Variants in GALNT16 observed in about 807,000 individuals in gnomAD.
GALNT16 encodes the protein UDP-GalNAc:polypeptide N-acetylgalactosaminyltransferase-like protein 1.
GALNT16 carries 40 observed loss-of-function variants against 76.1 expected under a neutral mutation model. That is an observed-to-expected ratio of 0.53 (90% CI 0.41 to 0.68). The LOEUF (loss-of-function observed/expected upper bound fraction) is 0.68. Ranked by LOEUF, GALNT16 falls within the 30% of genes least tolerant of loss-of-function variation. GALNT16 has a pLI of 0.00. For synonymous variants in GALNT16, 276 were observed against 285.2 expected (o/e 0.97, Z 0.32); for missense variants, 621 against 731.9 (o/e 0.85, Z 1.75).
chr14:69,322,820 G>A (rs181101352), intron 2 of GALNT16, among the ~76,000 whole-genome samples: 1 of 152,272 alleles, frequency 6.6e-6, no homozygotes, highest in Non-Finnish European at 1.5e-5. Flanking sequence ...GAACCTGGGA[G>A]GCAGAGGTTG....
At chr14:69,334,347 C>T (rs545609993) in intron 9 of GALNT16, among the ~76,000 whole-genome samples, 5 of 152,270 alleles carry the variant, frequency 3.3e-5, no homozygotes, top group African/African-American at 1.2e-4. Flanking sequence ...CAAGTGGGAT[C>T]GGAGCCCAAA....
intron 11 of GALNT16, 37 bp downstream of exon 11, chr14:69,339,656 C>G (rs1470592396): frequency 7.8e-7 from 1 of 1,281,450 alleles, no homozygotes; most frequent in Non-Finnish European, 1.1e-6. Flanking sequence ...ACTCCCTCTA[C>G]CCACATTAGC....
At chr14:69,285,185 C>T (rs138455872) in intron 1 of GALNT16, among the ~76,000 whole-genome samples, 130 of 151,920 alleles carry the variant, frequency 8.6e-4, no homozygotes, top group African/African-American at 3.0e-3. Context: ...GGACTACAGG[C>T]GCCCGCTACC....
At chr14:69,363,623 T>G in the GALNT16 span, among the ~76,000 whole-genome samples, 1 of 152,232 alleles carries the variant, frequency 6.6e-6, no homozygotes, top group African/African-American at 2.4e-5. Flanking sequence ...GTATTTGTCC[T>G]GCTCACGGCT....
At position 69,328,430 on chromosome 14, in the gene GALNT16, C is replaced by T. The variant is rs373893534; in HGVS notation, c.569-20C>T. 1 of 1,611,816 alleles carries T rather than the reference C, an allele frequency of 6.2e-7. No homozygotes were observed. The highest frequency in any genetic ancestry group is 2.2e-5 in the East Asian group (1 of 44,750). On this transcript the variant is annotated intron_variant, in intron 5 of 14. Coordinates refer to ENST00000448469, the MANE Select transcript of GALNT16 (RefSeq NM_001168368.2). ...AGTTGGCCCAGTCCCAGCGCCAAGC[C>T]CTATCTACTCCTCTTGTAGGGCTGA...
the GALNT16 span, among the ~76,000 whole-genome samples, chr14:69,377,302 A>G: frequency 1.3e-5 from 2 of 152,142 alleles, no homozygotes; most frequent in African/African-American, 4.8e-5. Flanking sequence ...CATCTAGCAA[A>G]ATTTTGGTAT....
Position 69,333,246 on chromosome 14 carries a change from T to A in GALNT16, c.863+77T>A. 1 of 1,035,986 alleles carries A rather than the reference T, an allele frequency of 9.7e-7. No homozygotes were observed. The highest frequency in any genetic ancestry group is 1.4e-6 in the Non-Finnish European group (1 of 694,070). 64.2% of individuals were successfully genotyped at this position (1,035,986 alleles called of 1,614,324 possible). A position where few individuals can be genotyped will look rare whatever the true frequency, so the allele number is the denominator to read the frequency against. ...CCTGGGAGGCTCTTGGGAGGCTGTA[T>A]CGGTCGCTTGGGCTCCTGAGGCGCA... On this transcript the variant is annotated intron_variant, in intron 8 of 14. Coordinates refer to ENST00000448469, the MANE Select transcript of GALNT16 (RefSeq NM_001168368.2). This position sits in a 1 kb window ranked among gnomAD's most constrained non-coding sequence, Gnocchi z 4.2.
In GALNT16 at chr14:69,347,845, T is replaced by C. The variant is rs759639385; in HGVS notation, c.1414-32T>C. The C allele has an allele frequency of 6.2e-6, 10 of 1,609,712 alleles. No individual in the cohort carries two copies. In the South Asian group the frequency reaches 1.1e-4, roughly 18 times the overall value. On this transcript the variant is annotated intron_variant, in intron 13 of 14. Coordinates refer to ENST00000448469, the MANE Select transcript of GALNT16 (RefSeq NM_001168368.2). ...ATCTCTCCACCCATCGCTGTACTTT[T>C]TGACTTGGCCTTTCTGCTCCCTGCC... is the stretch of plus-strand genomic sequence containing the variant.
At chr14:69,318,324 G>T (rs2045131041) in intron 1 of GALNT16, among the ~76,000 whole-genome samples, 1 of 152,184 alleles carries the variant, frequency 6.6e-6, no homozygotes, top group South Asian at 2.1e-4. Context: ...TAGAGAGCCT[G>T]GGCCTGAGCA....
chr14:69,280,043 T>C (rs1172702276), intron 1 of GALNT16, among the ~76,000 whole-genome samples: 2 of 152,264 alleles, frequency 1.3e-5, no homozygotes, highest in Non-Finnish European at 2.9e-5. Flanking sequence ...AAAATACATA[T>C]AAGATAAACT....
At chr14:69,324,287 C>G (rs2140168620) in intron 2 of GALNT16, among the ~76,000 whole-genome samples, 1 of 152,220 alleles carries the variant, frequency 6.6e-6, no homozygotes, top group Non-Finnish European at 1.5e-5. Context: ...AAGGAAGAAA[C>G]TCTAGGGTAT....
chr14:69,312,052 AAAATCTGTCTATCT>A (rs1566875401), intron 1 of GALNT16, among the ~76,000 whole-genome samples: 2 of 127,244 alleles, frequency 1.6e-5, no homozygotes, highest in African/African-American at 2.7e-5. Context: ...AAAAAAAAAA[AAAATCTGTCTATCT>A]ATCTATCTAT....
At chr14:69,348,792 C>T (rs2045597063) in intron 14 of GALNT16, 1 of 152,256 alleles carries the variant, frequency 6.6e-6, no homozygotes, top group Non-Finnish European at 1.5e-5. Flanking sequence ...CAGAATCCAG[C>T]CAGCTCTCTT....
intron 1 of GALNT16, among the ~76,000 whole-genome samples, chr14:69,295,131 T>G (rs1379073592): frequency 6.6e-6 from 1 of 152,124 alleles, no homozygotes; most frequent in Non-Finnish European, 1.5e-5. Flanking sequence ...CATTTAACAT[T>G]GGCCGGGTGC....
At chr14:69,289,948 A>G (rs1416280812) in intron 1 of GALNT16, among the ~76,000 whole-genome samples, 1 of 151,944 alleles carries the variant, frequency 6.6e-6, no homozygotes, top group African/African-American at 2.4e-5. Flanking sequence ...CGTGTTGCCC[A>G]GGGTAGCCTT....
chr14:69,360,643 G>T (rs540152635), downstream of GALNT16, among the ~76,000 whole-genome samples: 56 of 137,696 alleles, frequency 4.1e-4, 3 homozygotes, highest in South Asian at 3.2e-3. Flanking sequence ...GAAAAGAGAA[G>T]AGAGGAGAGG....
At chr14:69,347,363 G>T (rs936904338) in intron 13 of GALNT16, among the ~76,000 whole-genome samples, 182 bp downstream of exon 13, 1 of 152,144 alleles carries the variant, frequency 6.6e-6, no homozygotes, top group Non-Finnish European at 1.5e-5. Context: ...TGTCACTTGG[G>T]TATCCTGTGT....
intron 2 of GALNT16, among the ~76,000 whole-genome samples, chr14:69,322,923 G>C: frequency 9.5e-6 from 1 of 105,152 alleles, no homozygotes; most frequent in South Asian, 4.2e-4. Context: ...GGTGGCTCAC[G>C]GGGTGTGTGT....
At chr14:69,322,584 C>T (rs552156594) in intron 2 of GALNT16, among the ~76,000 whole-genome samples, 7 of 152,280 alleles carry the variant, frequency 4.6e-5, no homozygotes, top group Admixed American at 3.3e-4. Flanking sequence ...CATGCTGCTG[C>T]TGGGCCCTGT....
Sources: allele counts gnomAD v4.1 joint callset (sites outside exome capture counted in the v4.1 genomes callset), GRCh38; gene constraint gnomAD v4.1.1; non-coding constraint Gnocchi (gnomAD v3.1); transcripts MANE v1.5; gene names NCBI Gene and HGNC (gene_info 2026-07-23, HGNC 2026-07-21).